The following GPBP1 variants were observed in gnomAD, a reference collection of about 807,000 sequenced individuals.
The protein encoded by GPBP1 is GC-rich promoter binding protein 1.
In GPBP1, 13 loss-of-function variants were observed where a neutral mutation model predicts 56.5. The observed-to-expected ratio is 0.23, with a 90% CI of 0.15 to 0.37. The LOEUF is 0.37. GPBP1 is among the 10% of genes least tolerant of loss of function. GPBP1 has a pLI of 1.00. For synonymous variants in GPBP1, 204 were observed against 188.9 expected (o/e 1.08, Z -0.66); for missense variants, 477 against 572.3 (o/e 0.83, Z 1.70).
At chr5:57,233,145 G>C (rs1756529309) in intron 5 of GPBP1, among the ~76,000 whole-genome samples, 1 of 152,122 alleles carries the variant, frequency 6.6e-6, no homozygotes, top group Non-Finnish European at 1.5e-5. Flanking sequence ...AGGAGAAAAT[G>C]ATGGCTTGAA....
intron 2 of GPBP1, among the ~76,000 whole-genome samples, chr5:57,177,630 C>T (rs112711019): frequency 0.037 from 5,377 of 147,212 alleles, 154 homozygotes; most frequent in African/African-American, 0.067. Context: ...CCCGCCACCA[C>T]GCTCGGCCAA....
rs538377694 is a variant in GPBP1 at position 57,174,713 on chromosome 5, T to C, written c.-1011+502T>C. Reference sequence around the variant, plus strand: ...TGGGGCGAAGGCTACTTTGTTCCTTTGAGTCCTGTGGGGTCTGAGGGGACA... The same window carrying C: ...TGGGGCGAAGGCTACTTTGTTCCTTCGAGTCCTGTGGGGTCTGAGGGGACA... On this transcript the variant is annotated intron_variant, in intron 1 of 11. Coordinates refer to ENST00000506184, the MANE Select transcript of GPBP1 (RefSeq NM_022913.4). Among the ~76,000 whole-genome samples, 3 of 152,346 alleles carry C rather than the reference T, an allele frequency of 2.0e-5. No individual in the cohort carries two copies. The South Asian group carries it at 6.2e-4, about 32-fold the overall frequency.
At chr5:57,188,243 C>CCA (rs1754376068) in intron 2 of GPBP1, among the ~76,000 whole-genome samples, 1 of 138,816 alleles carries the variant, frequency 7.2e-6, no homozygotes, top group African/African-American at 2.6e-5. Flanking sequence ...GAGACTGTCT[C>CCA]AAAAAAAAAA....
chr5:57,261,129 G>T (rs1235862935), intron 10 of GPBP1, 51 bp from the exon 11 acceptor site: 1 of 1,092,198 alleles, frequency 9.2e-7, no homozygotes, highest in African/African-American at 1.5e-5. Context: ...AAATGATACT[G>T]TCCTACTCAG....
chr5:57,238,126 G>A (rs747553461), intron 6 of GPBP1, among the ~76,000 whole-genome samples: 1 of 152,128 alleles, frequency 6.6e-6, no homozygotes, highest in Admixed American at 6.5e-5. Context: ...CCATCTCCAC[G>A]CTGTTAATTT....
At chr5:57,253,875 C>T (rs1372096359) in intron 10 of GPBP1, among the ~76,000 whole-genome samples, 1 of 152,196 alleles carries the variant, frequency 6.6e-6, no homozygotes, top group Non-Finnish European at 1.5e-5. Context: ...ACTCCTGCCT[C>T]AGCCTCCCAG....
Position 57,262,677 on chromosome 5 carries a change from C to G in GPBP1, c.1347C>G (p.Ser449Arg), listed in dbSNP as rs373601089. Residue 449 changes from serine to arginine, a missense_variant, in exon 12 of 12, where the codon AGC (serine) becomes AGG (arginine). Physicochemically the swap from Ser to Arg is moderately radical, Grantham distance 110. This residue lies in a region of GPBP1 where 63 missense variants were observed against 114.0 expected (regional missense o/e 0.55). Coordinates refer to ENST00000506184, the MANE Select transcript of GPBP1 (RefSeq NM_022913.4). ...CDFKFGPWKN[S>R]TFKPTTENDD... ...TCAAGTTTGGACCGTGGAAGAACAG[C>G]ACTTTCAAACCCACAACTGAGAATG... 6.2e-7 allele frequency: 1 copy of G among 1,613,262 alleles called. No homozygotes were observed. Among genetic ancestry groups the G allele is most frequent in the Non-Finnish European group, 8.5e-7 (1 of 1,179,422 alleles).
At chr5:57,237,280 G>A in intron 6 of GPBP1, 2 of 800,854 alleles carry the variant, frequency 2.5e-6, no homozygotes, top group Non-Finnish European at 4.2e-6. Context: ...GAATAATTTG[G>A]ATTTGATTAG....
intron 10 of GPBP1, among the ~76,000 whole-genome samples, chr5:57,258,445 A>G (rs532061393): frequency 6.6e-6 from 1 of 152,314 alleles, no homozygotes; most frequent in South Asian, 2.1e-4. Context: ...TGAATATTGT[A>G]TAGTATTTGT....
intron 2 of GPBP1, among the ~76,000 whole-genome samples, chr5:57,193,265 G>A (rs754749736): frequency 1.4e-4 from 21 of 151,770 alleles, no homozygotes; most frequent in Non-Finnish European, 2.6e-4. Context: ...GCAGTGAGCC[G>A]AGATCGAGCC....
At chr5:57,184,227 G>A (rs1754188280) in intron 2 of GPBP1, among the ~76,000 whole-genome samples, 1 of 151,960 alleles carries the variant, frequency 6.6e-6, no homozygotes, top group African/African-American at 2.4e-5. Flanking sequence ...TTGAGACACT[G>A]TCTCAAAGGG....
chr5:57,196,328 G>A (rs1397594359), intron 2 of GPBP1, among the ~76,000 whole-genome samples: 3 of 150,576 alleles, frequency 2.0e-5, no homozygotes, highest in Admixed American at 6.6e-5. Flanking sequence ...TCTTTCGACT[G>A]TTCTTTACTG....
chr5:57,241,534 T>C (rs569486746), intron 6 of GPBP1, among the ~76,000 whole-genome samples: 10 of 152,168 alleles, frequency 6.6e-5, no homozygotes, highest in Non-Finnish European at 1.3e-4. Context: ...GAGACCAGCC[T>C]GGGCAGCATA....
chr5:57,224,874 T>G (rs1264091700), intron 3 of GPBP1, among the ~76,000 whole-genome samples: 1 of 151,504 alleles, frequency 6.6e-6, no homozygotes, highest in Non-Finnish European at 1.5e-5. Context: ...GTTGACATCC[T>G]AGATCATGAA....
chr5:57,232,183 T>TCA (rs1000632116), intron 5 of GPBP1, among the ~76,000 whole-genome samples: 2 of 152,132 alleles, frequency 1.3e-5, no homozygotes, highest in African/African-American at 4.8e-5. Context: ...TACACCTAGC[T>TCA]CACTATGTTG....
At chr5:57,227,263 C>G (rs796670737) in intron 3 of GPBP1, among the ~76,000 whole-genome samples, 23 of 152,218 alleles carry the variant, frequency 1.5e-4, no homozygotes, top group African/African-American at 5.1e-4. Context: ...TGAGCCGTTT[C>G]ACCATTTTGG....
intron 3 of GPBP1, among the ~76,000 whole-genome samples, chr5:57,222,494 C>T (rs1755995234): frequency 6.6e-6 from 1 of 151,952 alleles, no homozygotes; most frequent in South Asian, 2.1e-4. Context: ...ATTTTTATTG[C>T]AGTTTGGAGA....
At chr5:57,219,515 T>A (rs1431173955) in intron 3 of GPBP1, among the ~76,000 whole-genome samples, 1 of 151,916 alleles carries the variant, frequency 6.6e-6, no homozygotes, top group Non-Finnish European at 1.5e-5. Context: ...AGACCTCTGT[T>A]GATTAAGCCA....
intron 1 of GPBP1, among the ~76,000 whole-genome samples, chr5:57,174,657 C>T (rs930252711): frequency 2.0e-5 from 3 of 152,378 alleles, no homozygotes; most frequent in Admixed American, 6.5e-5. Flanking sequence ...CTTTCCCCGC[C>T]TCTCCCAGGT....
Sources: allele counts gnomAD v4.1 joint callset (sites outside exome capture counted in the v4.1 genomes callset), GRCh38; gene constraint gnomAD v4.1.1; regional missense constraint gnomAD v4.1.1; transcripts MANE v1.5; gene names NCBI Gene and HGNC (gene_info 2026-07-23, HGNC 2026-07-21).